CFLAR: variants seen among roughly 807,000 people sequenced by gnomAD.
CFLAR encodes the protein CASP8 and FADD like apoptosis regulator.
Under a neutral mutation model 51.1 loss-of-function variants are expected in CFLAR, and 14 were observed. That is an observed-to-expected ratio of 0.27 (90% CI 0.18 to 0.43). The LOEUF (loss-of-function observed/expected upper bound fraction) is 0.43. CFLAR is among the 20% of genes least tolerant of loss of function. The pLI is 1.00. For missense variants in CFLAR, 390 were observed against 566.5 expected, an observed-to-expected ratio of 0.69 and a Z score of 3.16; for synonymous variants, 210 against 211.6, an observed-to-expected ratio of 0.99 and a Z score of 0.06.
chr2:201,160,947 G>GC lies in CFLAR; in HGVS notation c.1304+10dup. Reference sequence around the variant, plus strand: ...CCAGAAACTGAGACAAGAAAGGTGAGCCCCCAGGAGGTGGTCAGTTCCGGA... The same window carrying GC: ...CCAGAAACTGAGACAAGAAAGGTGAGCCCCCCAGGAGGTGGTCAGTTCCGGA... On this transcript the variant is annotated splice_donor_region_variant and intron_variant, in intron 9 of 9. Coordinates refer to ENST00000309955, the MANE Select transcript of CFLAR (RefSeq NM_003879.7). 6.2e-7 allele frequency: 1 copy of GC among 1,608,418 alleles called. No individual in the cohort carries two copies. Among genetic ancestry groups the GC allele is most frequent in the Non-Finnish European group, 8.5e-7 (1 of 1,175,490 alleles).
rs1322983758 is a variant in CFLAR, at chr2:201,169,109, T to C, written c.*5136T>C. On this transcript the variant is annotated 3_prime_UTR_variant, in exon 10 of 10. Transcript: ENST00000309955. ...ATTCTTCACAGAATTAGAAAAAAAC[T>C]ACTTTAAAATTCAAATGGAACCAAA... 2 of 152,074 alleles carry C rather than the reference T, an allele frequency of 1.3e-5. No individual in the cohort carries two copies. Among genetic ancestry groups the C allele is most frequent in the Admixed American group, 6.6e-5 (1 of 15,256 alleles). 9.4% of individuals were successfully genotyped at this position (152,074 alleles called of 1,614,324 possible).
chr2:201,149,091 T>G, intron 7 of CFLAR, 39 bp downstream of exon 7: 1 of 1,342,444 alleles, frequency 7.4e-7, no homozygotes, highest in Non-Finnish European at 1.1e-6. Context: ...TATATGTACA[T>G]AGCTGTGGAT....
At chr2:201,148,385 C>T (rs1164604168) in intron 6 of CFLAR, 1 of 151,874 alleles carries the variant, frequency 6.6e-6, no homozygotes, top group Non-Finnish European at 1.5e-5. Context: ...AATCTCTGCT[C>T]AAAACTGGTT....
rs1359701498 is a variant in CFLAR, at chr2:201,138,051, A to G, written c.523+1944A>G. 1 of 724,196 alleles carries G rather than the reference A, an allele frequency of 1.4e-6. No individual in the cohort carries two copies. The highest frequency in any genetic ancestry group is 2.6e-6 in the Non-Finnish European group (1 of 390,376). 44.9% of individuals were successfully genotyped at this position (724,196 alleles called of 1,614,324 possible). On this transcript the variant is annotated intron_variant, in intron 4 of 9. Coordinates refer to ENST00000309955, the MANE Select transcript of CFLAR (RefSeq NM_003879.7). This position sits in a 1 kb window ranked among gnomAD's most constrained non-coding sequence, Gnocchi z 4.0. ...AGTGCCCTGGGGCTGACTGCAGGCT[A>G]TCACTTCCTGGTTGATGTAGATGGA...
rs1201910858 is a variant in CFLAR, at chr2:201,118,601, T to A, written c.-138+2120T>A. 1 of 152,148 alleles carries A rather than the reference T, an allele frequency of 6.6e-6. No individual in the cohort carries two copies. Among genetic ancestry groups the A allele is most frequent in the Admixed American group, 6.5e-5 (1 of 15,282 alleles). 9.4% of individuals were successfully genotyped at this position (152,148 alleles called of 1,614,324 possible). ...GACACGCGAGTGGCCCTGTGCAAGT[T>A]TCAACTGCGCGGGGGGCGGGGAATT... is the stretch of plus-strand genomic sequence containing the variant. On this transcript the variant is annotated intron_variant, in intron 1 of 9. Coordinates refer to ENST00000309955, the MANE Select transcript of CFLAR (RefSeq NM_003879.7). This position sits in a 1 kb window ranked among gnomAD's most constrained non-coding sequence, Gnocchi z 5.1.
rs1034334319 is a variant in CFLAR at position 201,119,651 on chromosome 2, T to G, written c.-138+3170T>G. On this transcript the variant is annotated intron_variant, in intron 1 of 9. Coordinates refer to ENST00000309955, the MANE Select transcript of CFLAR (RefSeq NM_003879.7). ...ACCCTGGTGCCCTTTCTCTGTACTT[T>G]CATATGCTCAGCGGCTGTCTTTGCA... 2.0e-5 allele frequency among the ~76,000 whole-genome samples: 3 copies of G among 152,154 alleles called. No individual in the cohort carries two copies. In the East Asian group the frequency reaches 5.8e-4, roughly 29 times the overall value.
intron 5 of CFLAR, among the ~76,000 whole-genome samples, chr2:201,141,056 C>T (rs942958906): frequency 1.3e-5 from 2 of 152,072 alleles, no homozygotes; most frequent in Non-Finnish European, 2.9e-5. Context: ...CATGGTGAAA[C>T]TCCATCTCTA....
chr2:201,138,602 G>C lies in CFLAR; in HGVS notation c.524-1755G>C, dbSNP rs1398094728. ...GGGAGGTGACGATGCCCACCAGCTT[G>C]CTGCCCATGGTACCCGTCTCAGTGA... On this transcript the variant is annotated intron_variant, in intron 4 of 9. Transcript: ENST00000309955. This position sits in a 1 kb window ranked among gnomAD's most constrained non-coding sequence, Gnocchi z 4.0. 1 of 1,588,504 alleles carries C rather than the reference G, an allele frequency of 6.3e-7. No individual in the cohort carries two copies. Among genetic ancestry groups the C allele is most frequent in the Non-Finnish European group, 8.5e-7 (1 of 1,171,502 alleles).
intron 8 of CFLAR, 143 bp from the exon 9 acceptor site, chr2:201,160,289 A>T: frequency 1.2e-6 from 1 of 867,782 alleles, no homozygotes; most frequent in South Asian, 1.7e-5. Flanking sequence ...CCAACTGCCC[A>T]GGACTCAGGC....
In CFLAR at chr2:201,168,859, A is replaced by G. The variant is rs1245695083; in HGVS notation, c.*4886A>G. ...AGAGCCAAATCATGAATGAACTCCC[A>G]TTCACAGTTGCTAGAAAGAGAATAA... On this transcript the variant is annotated 3_prime_UTR_variant, in exon 10 of 10. Transcript: ENST00000309955. The G allele has an allele frequency of 1.3e-5, 2 of 152,224 alleles. No individual in the cohort carries two copies. Among genetic ancestry groups the G allele is most frequent in the African/African-American group, 4.8e-5 (2 of 41,458 alleles). 9.4% of individuals were successfully genotyped at this position (152,224 alleles called of 1,614,324 possible).
intron 1 of CFLAR, chr2:201,122,388 A>G (rs992154238): frequency 6.6e-6 from 1 of 152,232 alleles, no homozygotes; most frequent in African/African-American, 2.4e-5. Context: ...GATTCCAAGT[A>G]TGGTATCTTA....
At chr2:201,123,366 TCA>T (rs2048369787) in intron 1 of CFLAR, among the ~76,000 whole-genome samples, 1 of 152,200 alleles carries the variant, frequency 6.6e-6, no homozygotes, top group African/African-American at 2.4e-5. Flanking sequence ...AATTTATTTC[TCA>T]CAGTCTGGAG....
intron 8 of CFLAR, among the ~76,000 whole-genome samples, chr2:201,151,928 G>A (rs1941346343): frequency 6.6e-6 from 1 of 151,770 alleles, no homozygotes. Context: ...TCATGGCTAT[G>A]CCATGTTCTA....
At chr2:201,139,406 C>G in intron 4 of CFLAR, 2 of 188,396 alleles carry the variant, frequency 1.1e-5, no homozygotes, top group Admixed American at 5.4e-5. Flanking sequence ...GACCGTCCCC[C>G]AGCCCGACAC....
chr2:201,167,592 G>A lies in CFLAR; in HGVS notation c.*3619G>A, dbSNP rs1943718652. 1.3e-5 allele frequency: 2 copies of A among 152,150 alleles called. No homozygotes were observed. Among genetic ancestry groups the A allele is most frequent in the Admixed American group, 1.3e-4 (2 of 15,276 alleles). 9.4% of individuals were successfully genotyped at this position (152,150 alleles called of 1,614,324 possible). A position where few individuals can be genotyped will look rare whatever the true frequency, so the allele number is the denominator to read the frequency against. ...TTGTTTTGAGCACAGGACTCCTGAG[G>A]GTATCTTTGCATTTAATATTACATA... On this transcript the variant is annotated 3_prime_UTR_variant, in exon 10 of 10. Transcript: ENST00000309955.
At chr2:201,144,803 T>C (rs983107757) in intron 5 of CFLAR, among the ~76,000 whole-genome samples, 1 of 152,200 alleles carries the variant, frequency 6.6e-6, no homozygotes, top group Non-Finnish European at 1.5e-5. Flanking sequence ...TATTGGGCTG[T>C]TTTGAAACAT....
rs2050389119 is a variant in CFLAR at position 201,138,111 on chromosome 2, C to T, written c.523+2004C>T. On this transcript the variant is annotated intron_variant, in intron 4 of 9. Coordinates refer to ENST00000309955, the MANE Select transcript of CFLAR (RefSeq NM_003879.7). The surrounding 1 kb of genome is among the most constrained non-coding windows in gnomAD (Gnocchi z 4.0). The stretch of plus-strand genomic sequence containing the variant: ...TCCATGCCCCTGCCCAGCCCATCCA[C>T]ACCAGCGTCAATCAGGTTGTTGGCC... 5 of 761,800 alleles carry T rather than the reference C, an allele frequency of 6.6e-6. No homozygotes were observed. The highest frequency in any genetic ancestry group is 7.3e-6 in the Non-Finnish European group (3 of 411,674). The allele number at this position is 761,800 out of a possible 1,614,324, so 47.2% of individuals were successfully genotyped here. A position where few individuals can be genotyped will look rare whatever the true frequency, so the allele number is the denominator to read the frequency against.
intron 8 of CFLAR, 135 bp from the exon 9 acceptor site, chr2:201,160,297 G>A: frequency 2.1e-6 from 2 of 938,606 alleles, no homozygotes; most frequent in East Asian, 4.8e-5. Flanking sequence ...CCAGGACTCA[G>A]GCACATCAAA....
intron 9 of CFLAR, chr2:201,163,284 G>T: frequency 7.8e-7 from 1 of 1,280,836 alleles, no homozygotes; most frequent in East Asian, 3.3e-5. Flanking sequence ...TCAGTGAGCT[G>T]GTTTCCATTT....
Sources: gnomAD v4.1 joint callset for allele counts (sites outside exome capture counted in the v4.1 genomes callset) on GRCh38, gnomAD v4.1.1 for gene constraint, Gnocchi (gnomAD v3.1) non-coding constraint, MANE v1.5 for transcripts, NCBI Gene and HGNC (gene_info 2026-07-23, HGNC 2026-07-21) for gene names.